Variants in TONSL observed in about 807,000 individuals in gnomAD.
TONSL encodes tonsoku like, DNA repair protein.
A neutral mutation model predicts 147.1 loss-of-function variants in TONSL; 112 were observed. The ratio of observed to expected loss-of-function variants is 0.76; its 90% CI spans 0.65 to 0.89. TONSL has a LOEUF of 0.89. Ranked by LOEUF, TONSL falls within the 40% of genes least tolerant of loss-of-function variation. The pLI is 0.00. For missense variants in TONSL, 1,883 were observed against 1,864.6 expected (o/e 1.01, Z -0.18); for synonymous variants, 868 against 801.5 (o/e 1.08, Z -1.40).
chr8:144,432,161 C>T (rs1330374080), intron 23 of TONSL, 124 bp downstream of exon 23: 15 of 1,102,970 alleles, frequency 1.4e-5, no homozygotes, highest in Non-Finnish European at 2.0e-5. Flanking sequence ...AAACCTCTAA[C>T]TCTCTCTGTA....
chr8:144,434,953 C>G, intron 19 of TONSL, 64 bp from the exon 20 acceptor site: 1 of 1,611,464 alleles, frequency 6.2e-7, no homozygotes, highest in South Asian at 1.1e-5. Context: ...TGCTCTGCAG[C>G]CATGAGCCAC....
At chr8:144,437,849 G>T (rs1053379420) in intron 13 of TONSL, 1 of 155,140 alleles carries the variant, frequency 6.4e-6, no homozygotes, top group Non-Finnish European at 1.4e-5. Flanking sequence ...CAGGCAATCC[G>T]CCCGCCTCAG....
At position 144,435,881 on chromosome 8, in the gene TONSL, C is replaced by T. The variant is rs762451292; in HGVS notation, c.2552G>A (p.Arg851Gln). 40 of 1,595,198 alleles carry T rather than the reference C, an allele frequency of 2.5e-5. No homozygotes were observed. The highest frequency in any genetic ancestry group is 1.7e-4 in the Middle Eastern group (1 of 6,008). The change falls in exon 17 of 26, where the codon CGG (arginine) becomes CAG (glutamine). Residue 851 changes from arginine to glutamine, a missense_variant. By Grantham distance (43) the Arg-to-Gln change is conservative (BLOSUM62 1). Transcript: ENST00000409379. ...GGGCCTGCGGTTGTCTCCAGTGCCC[C>T]GGGGGCGGGGCCGGCGGCTGCGGGT... ...PLTRSRRPRP[R>Q]GTGDNRRPSS...
rs1823783360 is a variant in TONSL, at chr8:144,443,135, C to T, written c.448+3G>A. On this transcript the variant is annotated splice_donor_region_variant and intron_variant, in intron 4 of 25. Transcript: ENST00000409379. ...GGCAGAAAACGCGGAGGGGTCTGCC[C>T]ACCCTCCAGCTCCTCATCCACAATA... 2 of 1,549,576 alleles carry T rather than the reference C, an allele frequency of 1.3e-6. No individual in the cohort carries two copies. Among genetic ancestry groups the T allele is most frequent in the East Asian group, 4.9e-5 (2 of 40,876 alleles).
rs1214458359 is a variant in TONSL at position 144,436,676 on chromosome 8, G to A, written c.1896C>T (p.Leu632=). The part of the protein sequence containing the change: ...ASVTLRTRKG[L]SPLETLQQWV... ...ACTGCTGCAGCGTCTCCAGCGGGCT[G>A]AGGCCCTGTGTGGCATCAGTTGAGC... The change falls in exon 16 of 26, where the codon CTC becomes CTT. Residue 632 remains leucine (L), a synonymous_variant. Coordinates refer to ENST00000409379, the MANE Select transcript of TONSL (RefSeq NM_013432.5). The A allele has an allele frequency of 8.1e-6, 13 of 1,612,056 alleles. No individual in the cohort carries two copies. Among genetic ancestry groups the A allele is most frequent in the Non-Finnish European group, 1.1e-5 (13 of 1,179,944 alleles).
rs779038751 is a variant in TONSL, at chr8:144,436,547, G to A, written c.2014+11C>T. On this transcript the variant is annotated intron_variant, in intron 16 of 25. Coordinates refer to ENST00000409379, the MANE Select transcript of TONSL (RefSeq NM_013432.5). ...CACAGCAACCCCAGGGACAAGGGAC[G>A]CCCTGCTTGCCTTGGCCCGAGGCAG... The A allele has an allele frequency of 1.2e-5, 20 of 1,608,108 alleles. No homozygotes were observed. Among genetic ancestry groups the A allele is most frequent in the East Asian group, 2.2e-5 (1 of 44,844 alleles).
At chr8:144,439,898 G>T in intron 11 of TONSL, 123 bp downstream of exon 11, 1 of 606,870 alleles carries the variant, frequency 1.6e-6, no homozygotes, top group South Asian at 2.0e-5. Flanking sequence ...AGCACTGGCC[G>T]TCCTGCCTGC....
Position 144,444,210 on chromosome 8 carries a change from G to A in TONSL, c.91C>T (p.His31Tyr), listed in dbSNP as rs1823825569. ...CCGGCCAGGAGCTCCCCCAGCTGGT[G>A]GCACAGCGCGGCCTCTTCGCGCCGC... is the stretch of plus-strand genomic sequence containing the variant. ...GQRREEAALC[H>Y]QLGELLAGHG... Residue 31 changes from histidine (H) to tyrosine (Y), a missense_variant, in exon 2 of 26, where the codon CAC (histidine) becomes TAC (tyrosine). Physicochemically the swap from His to Tyr is moderately conservative, Grantham distance 83. Coordinates refer to ENST00000409379, the MANE Select transcript of TONSL (RefSeq NM_013432.5). The A allele has an allele frequency of 6.9e-7, 1 of 1,458,490 alleles. No individual in the cohort carries two copies. The highest frequency in any genetic ancestry group is 1.3e-5 in the South Asian group (1 of 76,070). The allele number at this position is 1,458,490 out of a possible 1,614,324, so 90.3% of individuals were successfully genotyped here.
chr8:144,432,722 G>A (rs1823261006), intron 22 of TONSL: 2 of 378,226 alleles, frequency 5.3e-6, no homozygotes, highest in Non-Finnish European at 9.5e-6. Flanking sequence ...TGGGCCACAT[G>A]CCTCTGCACA....
chr8:144,435,748 G>A lies in TONSL; in HGVS notation c.2685C>T (p.Pro895=), dbSNP rs139119701. The change falls in exon 17 of 26, where the codon CCC becomes CCT. Residue 895 remains proline (P), a synonymous_variant. Coordinates refer to ENST00000409379, the MANE Select transcript of TONSL (RefSeq NM_013432.5). The part of the protein sequence containing the change: ...QSCSAPVNAG[P]SSLASEPPGS... ...CTGGAGGTTCTGAAGCCAGGCTGCT[G>A]GGCCCTGCGTTAACTGGCGCACTGC... 2 of 1,612,720 alleles carry A rather than the reference G, an allele frequency of 1.2e-6. No individual in the cohort carries two copies. Among genetic ancestry groups the A allele is most frequent in the Non-Finnish European group, 1.7e-6 (2 of 1,179,926 alleles).
In TONSL at chr8:144,442,308, G is replaced by A; in HGVS notation, c.683C>T (p.Ala228Val). Reference sequence around the variant, plus strand: ...CCTCATGGTGTGCGCACACTCCCGGGCACCCTCCAAGCAGCGCATAGCCTG... The same window carrying A: ...CCTCATGGTGTGCGCACACTCCCGGACACCCTCCAAGCAGCGCATAGCCTG... ...HSQAMRCLEGARECAHTMRKR... is the reference protein window; with the variant it reads ...HSQAMRCLEGVRECAHTMRKR... The change falls in exon 6 of 26, where the codon GCC (alanine) becomes GTC (valine). Residue 228 changes from alanine (A) to valine (V), a missense_variant. Coordinates refer to ENST00000409379, the MANE Select transcript of TONSL (RefSeq NM_013432.5). 6.3e-7 allele frequency: 1 copy of A among 1,598,072 alleles called. No individual in the cohort carries two copies. Among genetic ancestry groups the A allele is most frequent in the Non-Finnish European group, 8.6e-7 (1 of 1,169,232 alleles).
At chr8:144,439,610 T>C (rs1347159032) in intron 11 of TONSL, among the ~76,000 whole-genome samples, 1 of 152,196 alleles carries the variant, frequency 6.6e-6, no homozygotes, top group Non-Finnish European at 1.5e-5. Context: ...CTCCAGCCAG[T>C]CCCTCATGCC....
Position 144,429,068 on chromosome 8 carries a change from C to A in TONSL, c.*75G>T. On this transcript the variant is annotated 3_prime_UTR_variant, in exon 26 of 26. Coordinates refer to ENST00000409379, the MANE Select transcript of TONSL (RefSeq NM_013432.5). ...CCTCCCAAAGTGTTGGGATTACAGGCGTGAGCCACCGCGCCCGGCCAGCAG... is the reference window on the plus strand; with the variant it reads ...CCTCCCAAAGTGTTGGGATTACAGGAGTGAGCCACCGCGCCCGGCCAGCAG... 1.4e-6 allele frequency: 2 copies of A among 1,430,316 alleles called. No homozygotes were observed. Among genetic ancestry groups the A allele is most frequent in the African/African-American group, 1.5e-5 (1 of 67,956 alleles). The allele number at this position is 1,430,316 out of a possible 1,614,324, so 88.6% of individuals were successfully genotyped here.
Position 144,442,662 on chromosome 8 carries a change from G to C in TONSL, c.578+15C>G, listed in dbSNP as rs200178912. 32 of 1,608,924 alleles carry C rather than the reference G, an allele frequency of 2.0e-5. No homozygotes were observed. The highest frequency in any genetic ancestry group is 2.7e-5 in the African/African-American group (2 of 74,828). ...AAGGGACTCCACTCCCTCCTGGGGC[G>C]GGGCAGGGCCTTACTCCGCAAGGAA... On this transcript the variant is annotated intron_variant, in intron 5 of 25. Transcript: ENST00000409379.
chr8:144,435,564 G>A lies in TONSL; in HGVS notation c.2776-14C>T. 6.4e-7 allele frequency: 1 copy of A among 1,558,146 alleles called. No homozygotes were observed. Among genetic ancestry groups the A allele is most frequent in the Non-Finnish European group, 8.7e-7 (1 of 1,151,146 alleles). ...CGGGGCCGGACCCTGGCAGGTGAAG[G>A]CAGCAGGGCTGAGTCAGGAGCCACA... On this transcript the variant is annotated splice_polypyrimidine_tract_variant and intron_variant, in intron 17 of 25. Coordinates refer to ENST00000409379, the MANE Select transcript of TONSL (RefSeq NM_013432.5).
chr8:144,440,645 C>A, intron 9 of TONSL, 73 bp downstream of exon 9: 2 of 1,555,994 alleles, frequency 1.3e-6, no homozygotes, highest in Non-Finnish European at 8.7e-7. Context: ...CTGTCCATGG[C>A]CACCCTGAGA....
intron 13 of TONSL, 183 bp downstream of exon 13, chr8:144,438,288 A>T: frequency 1.6e-6 from 1 of 628,492 alleles, no homozygotes; most frequent in South Asian, 1.9e-5. Flanking sequence ...TGCAGCCTCA[A>T]TCTCCCTCCC....
chr8:144,430,828 C>T (rs984426223), intron 24 of TONSL, among the ~76,000 whole-genome samples: 5 of 152,152 alleles, frequency 3.3e-5, no homozygotes, highest in Admixed American at 2.0e-4. Context: ...TCATGTGGGC[C>T]GAGGCACAGG....
chr8:144,440,562 A>C, intron 9 of TONSL, 86 bp from the exon 10 acceptor site: 2 of 1,526,386 alleles, frequency 1.3e-6, no homozygotes, highest in Non-Finnish European at 1.8e-6. Flanking sequence ...TGCCCAGACG[A>C]AATGGGAGCC....
Sources: allele counts gnomAD v4.1 joint callset (sites outside exome capture counted in the v4.1 genomes callset), GRCh38; gene constraint gnomAD v4.1.1; transcripts MANE v1.5; gene names NCBI Gene and HGNC (gene_info 2026-07-23, HGNC 2026-07-21).